The following CCDC102B variants were observed in gnomAD, a reference collection of about 807,000 sequenced individuals.
CCDC102B encodes coiled-coil domain-containing protein 102B.
Under a neutral mutation model 57.4 loss-of-function variants are expected in CCDC102B, and 75 were observed. The ratio of observed to expected loss-of-function variants is 1.31; its 90% CI spans 1.08 to 1.58. The LOEUF is 1.58. Among genes scored for constraint, CCDC102B ranks in the 40% most tolerant of loss-of-function variants. The pLI is 0.00. For missense variants in CCDC102B, 636 were observed against 582.6 expected (o/e 1.09, Z -0.94); for synonymous variants, 206 against 201.9 (o/e 1.02, Z -0.17).
intron 6 of CCDC102B, among the ~76,000 whole-genome samples, chr18:68,955,431 G>A (rs1326304556): frequency 6.6e-6 from 1 of 151,978 alleles, no homozygotes; most frequent in Non-Finnish European, 1.5e-5. Context: ...GAGATTTAGA[G>A]GCATTAAGTA....
At chr18:68,756,374 G>A (rs1041019033) in intron 2 of CCDC102B, among the ~76,000 whole-genome samples, 1 of 152,084 alleles carries the variant, frequency 6.6e-6, no homozygotes, top group African/African-American at 2.4e-5. Context: ...GCAAATTGAA[G>A]TAAGAAAGGC....
intron 6 of CCDC102B, among the ~76,000 whole-genome samples, chr18:68,937,145 T>C (rs1384915493): frequency 6.6e-6 from 1 of 152,032 alleles, no homozygotes; most frequent in Non-Finnish European, 1.5e-5. Flanking sequence ...CTATAACTCA[T>C]AGGGAGTAAA....
intron 6 of CCDC102B, among the ~76,000 whole-genome samples, chr18:68,925,238 A>G (rs1300127684): frequency 2.6e-5 from 4 of 152,168 alleles, no homozygotes; most frequent in East Asian, 1.9e-4. Flanking sequence ...CTAGCTTCAT[A>G]TTAGTATCAG....
At chr18:68,900,425 C>G (rs1338861406) in intron 6 of CCDC102B, among the ~76,000 whole-genome samples, 1 of 152,038 alleles carries the variant, frequency 6.6e-6, no homozygotes, top group Non-Finnish European at 1.5e-5. Flanking sequence ...AAAAAATCCA[C>G]CTGTCCTTAT....
chr18:68,758,185 T>C (rs1273753686), intron 2 of CCDC102B, among the ~76,000 whole-genome samples: 1 of 121,668 alleles, frequency 8.2e-6, no homozygotes, highest in Non-Finnish European at 1.7e-5. Context: ...GTATGTATTA[T>C]ACATGTAGAC....
At chr18:68,807,327 A>G (rs967645295) in intron 1 of CCDC102B, among the ~76,000 whole-genome samples, 4 of 152,156 alleles carry the variant, frequency 2.6e-5, no homozygotes, top group African/African-American at 9.7e-5. Flanking sequence ...TCAATTTAGG[A>G]GTCCACACAA....
At chr18:68,914,107 A>G (rs2040979698) in intron 6 of CCDC102B, among the ~76,000 whole-genome samples, 1 of 152,226 alleles carries the variant, frequency 6.6e-6, no homozygotes, top group Non-Finnish European at 1.5e-5. Flanking sequence ...CCTTTGCAAT[A>G]TGCAAAATAT....
chr18:68,865,620 T>C (rs2038943772), intron 4 of CCDC102B, among the ~76,000 whole-genome samples: 1 of 152,166 alleles, frequency 6.6e-6, no homozygotes, highest in Non-Finnish European at 1.5e-5. Flanking sequence ...TCCATCCGCT[T>C]TTCAAATGAA....
intron 6 of CCDC102B, among the ~76,000 whole-genome samples, chr18:68,910,922 G>GAA (rs1273856195): frequency 3.1e-5 from 1 of 32,120 alleles, no homozygotes; most frequent in African/African-American, 9.3e-5. Context: ...CTAAAAAGGG[G>GAA]GAAAAAAAAA....
chr18:68,844,434 A>G (rs1198495393), intron 3 of CCDC102B, among the ~76,000 whole-genome samples: 1 of 151,774 alleles, frequency 6.6e-6, no homozygotes, highest in Admixed American at 6.6e-5. Context: ...TCAGTTTTTC[A>G]GTTACTGACA....
chr18:68,945,563 A>G (rs553933961), intron 6 of CCDC102B, among the ~76,000 whole-genome samples: 3 of 152,226 alleles, frequency 2.0e-5, no homozygotes, highest in Admixed American at 2.0e-4. Flanking sequence ...ACATCTTATA[A>G]TGTGCTTATT....
chr18:68,938,284 T>A (rs1161900968), intron 6 of CCDC102B, among the ~76,000 whole-genome samples: 1 of 152,086 alleles, frequency 6.6e-6, no homozygotes, highest in African/African-American at 2.4e-5. Context: ...GAACATATGA[T>A]TATGACACAT....
chr18:69,008,731 C>T (rs528758821), intron 6 of CCDC102B, among the ~76,000 whole-genome samples: 9 of 152,280 alleles, frequency 5.9e-5, no homozygotes, highest in South Asian at 2.1e-4. Context: ...TTCTGGACTT[C>T]GGAATGCTGG....
chr18:68,895,919 T>G (rs1396589062), intron 5 of CCDC102B, among the ~76,000 whole-genome samples: 2 of 151,970 alleles, frequency 1.3e-5, no homozygotes, highest in African/African-American at 4.8e-5. Context: ...TGCCTAAATA[T>G]ATGAGAGAAA....
rs57733183 is a variant in CCDC102B at position 68,771,869 on chromosome 18, TACACACACAC to T, written c.-66-51467_-66-51458del. ...GTACATATGAGTTGTTACTCTGAAA[TACACACACAC>T]ACACACACACACACACACACACACA... On this transcript the variant is annotated intron_variant, in intron 2 of 3. Transcript: ENST00000578970. 4.0e-3 allele frequency among the ~76,000 whole-genome samples: 571 copies of T among 142,106 alleles called. 3 individuals carry two copies. The highest frequency in any genetic ancestry group is 0.013 in the African/African-American group (514 of 38,184). 93.2% of individuals were successfully genotyped at this position (142,106 alleles called of 152,430 possible).
intron 4 of CCDC102B, among the ~76,000 whole-genome samples, chr18:68,850,266 T>G (rs909768852): frequency 1.3e-5 from 2 of 152,130 alleles, no homozygotes; most frequent in African/African-American, 4.8e-5. Context: ...AAATATATTT[T>G]GAGGACTTTG....
rs375442132 is a variant in CCDC102B at position 69,012,385 on chromosome 18, G to A, written c.1434+1281G>A. On this transcript the variant is annotated intron_variant, in intron 7 of 7. Coordinates refer to ENST00000360242, the MANE Select transcript of CCDC102B (RefSeq NM_024781.3). ...AAGGAAATAATTTCTTCTAGGGTTC[G>A]TGGACTAATGAAGTGCTAGTCTCCG... Among the ~76,000 whole-genome samples the A allele has an allele frequency of 4.6e-5, 7 of 152,178 alleles. No individual in the cohort carries two copies. In the South Asian group the frequency reaches 8.3e-4, roughly 18 times the overall value.
At chr18:68,996,327 A>G (rs2051026612) in intron 6 of CCDC102B, among the ~76,000 whole-genome samples, 1 of 152,104 alleles carries the variant, frequency 6.6e-6, no homozygotes, top group Non-Finnish European at 1.5e-5. Flanking sequence ...CACCTATACC[A>G]GTGGTTTGCC....
At chr18:68,773,411 GT>G (rs1464090561) in intron 2 of CCDC102B, among the ~76,000 whole-genome samples, 3 of 151,902 alleles carry the variant, frequency 2.0e-5, no homozygotes, top group African/African-American at 7.2e-5. Flanking sequence ...CTAAAATGAA[GT>G]TTTTAAAAAG....
Sources: gnomAD v4.1 joint callset for allele counts (sites outside exome capture counted in the v4.1 genomes callset) on GRCh38, gnomAD v4.1.1 for gene constraint, MANE v1.5 for transcripts, NCBI Gene and HGNC (gene_info 2026-07-23, HGNC 2026-07-21) for gene names.